Variants in NECTIN2 observed in about 807,000 individuals in gnomAD.
NECTIN2 encodes the protein nectin cell adhesion molecule 2.
Under a neutral mutation model 56.9 loss-of-function variants are expected in NECTIN2, and 23 were observed. The ratio of observed to expected loss-of-function variants is 0.40; its 90% CI spans 0.29 to 0.57. NECTIN2 has a LOEUF of 0.57. Among genes scored for constraint, NECTIN2 ranks in the 20% least tolerant of loss-of-function variants. The pLI is 0.38. For synonymous variants in NECTIN2, 302 were observed against 313.8 expected (o/e 0.96, Z 0.40); for missense variants, 587 against 718.3 (o/e 0.82, Z 2.09).
chr19:44,847,413 G>T (rs1312503828), intron 1 of NECTIN2, among the ~76,000 whole-genome samples: 1 of 152,118 alleles, frequency 6.6e-6, no homozygotes, highest in African/African-American at 2.4e-5. Flanking sequence ...CGTTTTCAGG[G>T]TTCCCGGCAG....
At chr19:44,855,836 C>T (rs1968959375) in intron 1 of NECTIN2, among the ~76,000 whole-genome samples, 1 of 152,176 alleles carries the variant, frequency 6.6e-6, no homozygotes, top group African/African-American at 2.4e-5. Context: ...CACAGACAAA[C>T]CTCAGGGCTG....
chr19:44,867,840 G>C (rs1431049213), intron 2 of NECTIN2, among the ~76,000 whole-genome samples: 1 of 152,112 alleles, frequency 6.6e-6, no homozygotes, highest in African/African-American at 2.4e-5. Flanking sequence ...CCACAGGAGA[G>C]ATCTGGACAA....
At position 44,865,743 on chromosome 19, in the gene NECTIN2, G is replaced by A. The variant is rs1568592102; in HGVS notation, c.478+83G>A. 7.2e-7 allele frequency: 1 copy of A among 1,389,086 alleles called. No individual in the cohort carries two copies. The highest frequency in any genetic ancestry group is 9.5e-7 in the Non-Finnish European group (1 of 1,054,150). 86.0% of individuals were successfully genotyped at this position (1,389,086 alleles called of 1,614,324 possible). A position where few individuals can be genotyped will look rare whatever the true frequency, so the allele number is the denominator to read the frequency against. On this transcript the variant is annotated intron_variant, in intron 2 of 8. Transcript: ENST00000252483. This position sits in a 1 kb window ranked among gnomAD's most constrained non-coding sequence, Gnocchi z 5.2. ...CCCTTGCGGGTCAGTTTCTCTCTTGGCTTCAGCTGTGAGGTTCACATTCTC... is the reference window on the plus strand; with the variant it reads ...CCCTTGCGGGTCAGTTTCTCTCTTGACTTCAGCTGTGAGGTTCACATTCTC...
At chr19:44,847,840 C>G (rs1360696858) in intron 1 of NECTIN2, among the ~76,000 whole-genome samples, 1 of 152,162 alleles carries the variant, frequency 6.6e-6, no homozygotes, top group African/African-American at 2.4e-5. Context: ...GTGGAGCCGC[C>G]GCCCTTATCC....
chr19:44,878,390 G>C (rs538246369), intron 5 of NECTIN2: 4 of 1,557,624 alleles, frequency 2.6e-6, no homozygotes, highest in Middle Eastern at 1.7e-4. Context: ...AGCCAGTGGC[G>C]ACGGGGGATT....
At position 44,874,777 on chromosome 19, in the gene NECTIN2, C is replaced by G; in HGVS notation, c.1042+299C>G. Reference sequence around the variant, plus strand: ...CACGAATAGACCCGAGGAAGCTGCCCTGGGCTCCAGCTCCTGAGAAAGACG... The same window carrying G: ...CACGAATAGACCCGAGGAAGCTGCCGTGGGCTCCAGCTCCTGAGAAAGACG... On this transcript the variant is annotated intron_variant, in intron 5 of 8. Coordinates refer to ENST00000252483, the MANE Select transcript of NECTIN2 (RefSeq NM_001042724.2). The surrounding 1 kb of genome is among the most constrained non-coding windows in gnomAD (Gnocchi z 6.3). 1 of 324,976 alleles carries G rather than the reference C, an allele frequency of 3.1e-6. No homozygotes were observed. The highest frequency in any genetic ancestry group is 5.9e-6 in the Non-Finnish European group (1 of 168,700). The allele number at this position is 324,976 out of a possible 1,614,324, so 20.1% of individuals were successfully genotyped here.
chr19:44,846,991 T>C (rs954116975), intron 1 of NECTIN2, among the ~76,000 whole-genome samples: 4 of 151,974 alleles, frequency 2.6e-5, no homozygotes, highest in African/African-American at 9.7e-5. Context: ...CTCTGTCTCC[T>C]CTACCCCTCT....
chr19:44,880,231 G>C (rs149132410), intron 5 of NECTIN2, among the ~76,000 whole-genome samples: 2 of 145,392 alleles, frequency 1.4e-5, no homozygotes, highest in Non-Finnish European at 3.0e-5. Context: ...AATTGGGTCC[G>C]CCTGGCACAC....
rs146983303 is a variant in NECTIN2 at position 44,872,078 on chromosome 19, C to T, written c.704C>T (p.Thr235Met). The T allele has an allele frequency of 2.2e-5, 35 of 1,614,168 alleles. No homozygotes were observed. The African/African-American group carries it at 3.1e-4, about 14-fold the overall frequency. Residue 235 changes from threonine (T) to methionine (M), a missense_variant, in exon 3 of 9, where the codon ACG becomes ATG. By Grantham distance (81) the Thr-to-Met change is moderately conservative (BLOSUM62 -1). Coordinates refer to ENST00000252483, the MANE Select transcript of NECTIN2 (RefSeq NM_001042724.2). ...CCCTCGGGCCGAGCAGATGGTGTCA[C>T]GGTCACCTGCAAAGTGGAGCATGAG... is the stretch of plus-strand genomic sequence containing the variant. Reference protein sequence around the residue: ...LVPSGRADGVTVTCKVEHESF... With the variant: ...LVPSGRADGVMVTCKVEHESF...
chr19:44,872,260 A>G, intron 3 of NECTIN2, 111 bp downstream of exon 3: 1 of 1,117,200 alleles, frequency 9.0e-7, no homozygotes, highest in South Asian at 1.5e-5. Flanking sequence ...CCTGAAGCCA[A>G]ATTCTGCACT....
At chr19:44,850,119 G>A (rs1168323116) in intron 1 of NECTIN2, among the ~76,000 whole-genome samples, 1 of 152,132 alleles carries the variant, frequency 6.6e-6, no homozygotes, top group East Asian at 1.9e-4. Flanking sequence ...AGAATCGTTT[G>A]AACCGAGTTC....
intron 3 of NECTIN2, among the ~76,000 whole-genome samples, chr19:44,873,083 C>T (rs1301804619): frequency 6.6e-6 from 1 of 151,880 alleles, no homozygotes; most frequent in Non-Finnish European, 1.5e-5. Flanking sequence ...CCCTCAAATA[C>T]TGGCTTAACC....
rs540103336 is a variant in NECTIN2 at position 44,877,498 on chromosome 19, G to A, written c.1042+3020G>A. Among the ~76,000 whole-genome samples the A allele has an allele frequency of 7.2e-5, 11 of 152,276 alleles. No individual in the cohort carries two copies. The South Asian group carries it at 1.9e-3, about 26-fold the overall frequency. ...AGCACTAAGGAAGTCCCACTGTCCC[G>A]GTCTGTGAGAACCCCATTTTACACA... On this transcript the variant is annotated intron_variant, in intron 5 of 8. Transcript: ENST00000252483.
chr19:44,865,235 C>CA lies in NECTIN2; in HGVS notation c.89-35dup, dbSNP rs1969083917. 2 of 1,562,380 alleles carry CA rather than the reference C, an allele frequency of 1.3e-6. No homozygotes were observed. Among genetic ancestry groups the CA allele is most frequent in the Middle Eastern group, 2.3e-4 (1 of 4,444 alleles). On this transcript the variant is annotated intron_variant, in intron 1 of 8. Coordinates refer to ENST00000252483, the MANE Select transcript of NECTIN2 (RefSeq NM_001042724.2). The surrounding 1 kb of genome is among the most constrained non-coding windows in gnomAD (Gnocchi z 5.2). Reference sequence around the variant, plus strand: ...CCTGGAGGTGTCTGGGTCCCTCCCCCACCCGACTACTTCACTCTCTGTCCT... The same window carrying CA: ...CCTGGAGGTGTCTGGGTCCCTCCCCCAACCCGACTACTTCACTCTCTGTCCT...
At chr19:44,879,737 C>T (rs1969287116) in intron 5 of NECTIN2, among the ~76,000 whole-genome samples, 1 of 152,190 alleles carries the variant, frequency 6.6e-6, no homozygotes, top group South Asian at 2.1e-4. Flanking sequence ...TCCTCTGTAA[C>T]ACGGGGCAGG....
Position 44,865,813 on chromosome 19 carries a change from C to T in NECTIN2, c.478+153C>T, listed in dbSNP as rs377378770. The stretch of plus-strand genomic sequence containing the variant: ...GCAAATGTTCATTAAGCACCTACCG[C>T]GTGCCAGATGCTTTTCTGTGTGCTG... On this transcript the variant is annotated intron_variant, in intron 2 of 8. Coordinates refer to ENST00000252483, the MANE Select transcript of NECTIN2 (RefSeq NM_001042724.2). This position sits in a 1 kb window ranked among gnomAD's most constrained non-coding sequence, Gnocchi z 5.2. 2.6e-5 allele frequency among the ~76,000 whole-genome samples: 4 copies of T among 152,276 alleles called. No individual in the cohort carries two copies. In the East Asian group the frequency reaches 5.8e-4, roughly 22 times the overall value.
At chr19:44,885,145 C>T (rs539910115) in intron 6 of NECTIN2, among the ~76,000 whole-genome samples, 102 of 151,470 alleles carry the variant, frequency 6.7e-4, no homozygotes, top group Non-Finnish European at 1.1e-3. Flanking sequence ...TACAGGCATG[C>T]GCCACCACGC....
chr19:44,856,665 T>A (rs1351537455), intron 1 of NECTIN2, among the ~76,000 whole-genome samples: 3 of 152,148 alleles, frequency 2.0e-5, no homozygotes, highest in Non-Finnish European at 4.4e-5. Context: ...CCTTAGTGCC[T>A]TTGGGGGCCA....
intron 1 of NECTIN2, among the ~76,000 whole-genome samples, chr19:44,854,827 T>A (rs1332744464): frequency 1.3e-5 from 2 of 148,228 alleles, no homozygotes; most frequent in East Asian, 2.0e-4. Context: ...AAAATTTTTT[T>A]AAAAAGAACT....
Sources: gnomAD v4.1 joint callset for allele counts (sites outside exome capture counted in the v4.1 genomes callset) on GRCh38, gnomAD v4.1.1 for gene constraint, Gnocchi (gnomAD v3.1) non-coding constraint, MANE v1.5 for transcripts, NCBI Gene and HGNC (gene_info 2026-07-23, HGNC 2026-07-21) for gene names.